NLGN4X: variants seen among roughly 807,000 people sequenced by gnomAD.
NLGN4X encodes neuroligin-4, X-linked.
Under a neutral mutation model 40.3 loss-of-function variants are expected in NLGN4X, and 3 were observed. The observed-to-expected ratio is 0.07, with a 90% CI of 0.03 to 0.19. The LOEUF (loss-of-function observed/expected upper bound fraction) is 0.19. NLGN4X is among the 10% of genes least tolerant of loss of function. NLGN4X has a pLI of 1.00. For synonymous variants in NLGN4X, 270 were observed against 306.8 expected (o/e 0.88, Z 1.25); for missense variants, 382 against 708.3 (o/e 0.54, Z 5.23).
chrX:6,060,807 G>T (rs1243931073), intron 2 of NLGN4X, among the ~76,000 whole-genome samples: 1 of 111,774 alleles, frequency 8.9e-6, no homozygotes, highest in African/African-American at 3.2e-5. Flanking sequence ...ATATAAGGCT[G>T]ACTCTCACCC....
intron 3 of NLGN4X, among the ~76,000 whole-genome samples, chrX:6,020,013 T>G (rs749829862): frequency 8.9e-6 from 1 of 112,209 alleles, no homozygotes; most frequent in East Asian, 2.8e-4. Flanking sequence ...AAAATAAAAT[T>G]TCAGCTTCTT....
chrX:6,121,036 T>C (rs939455142), intron 2 of NLGN4X, among the ~76,000 whole-genome samples: 1 of 111,230 alleles, frequency 9.0e-6, no homozygotes, highest in Non-Finnish European at 1.9e-5. Context: ...TGTTTTTAAA[T>C]GATTCACAAT....
chrX:6,214,937 G>T (rs957681369), intron 1 of NLGN4X, among the ~76,000 whole-genome samples: 1 of 111,401 alleles, frequency 9.0e-6, no homozygotes, highest in Non-Finnish European at 1.9e-5. Flanking sequence ...GAATGGGAGC[G>T]GGGTTAGAAA....
intron 1 of NLGN4X, among the ~76,000 whole-genome samples, chrX:6,154,028 C>T: frequency 8.9e-6 from 1 of 112,210 alleles, no homozygotes; most frequent in South Asian, 3.7e-4. Flanking sequence ...ATAATTAAAG[C>T]CCAGCGTTTC....
At chrX:5,979,775 C>T (rs773421370) in intron 3 of NLGN4X, among the ~76,000 whole-genome samples, 1 of 97,674 alleles carries the variant, frequency 1.0e-5, no homozygotes, top group Non-Finnish European at 1.9e-5. Flanking sequence ...TACACACATA[C>T]ATATATATGT....
intron 3 of NLGN4X, among the ~76,000 whole-genome samples, chrX:5,944,641 ACT>A (rs1290319766): frequency 1.1e-5 from 1 of 90,313 alleles, no homozygotes; most frequent in African/African-American, 4.5e-5. Flanking sequence ...GAACCAGAAG[ACT>A]CTGTCTCAAA....
intron 2 of NLGN4X, among the ~76,000 whole-genome samples, chrX:6,106,583 TC>T (rs2039037776): frequency 8.9e-6 from 1 of 111,973 alleles, no homozygotes; most frequent in Non-Finnish European, 1.9e-5. Context: ...TTTTTTATTG[TC>T]CCCCAGTTCT....
chrX:6,213,172 C>A (rs1406565095), intron 1 of NLGN4X, among the ~76,000 whole-genome samples: 1 of 110,540 alleles, frequency 9.0e-6, no homozygotes, highest in Non-Finnish European at 1.9e-5. Flanking sequence ...CAAAAGTCTT[C>A]TGGACAGTAG....
chrX:6,096,560 T>C (rs1046843912), intron 2 of NLGN4X, among the ~76,000 whole-genome samples: 4 of 111,856 alleles, frequency 3.6e-5, no homozygotes, highest in East Asian at 2.8e-4. Context: ...AATTCACAAG[T>C]GTCCCTAGAC....
At chrX:5,994,414 G>A in intron 3 of NLGN4X, among the ~76,000 whole-genome samples, 1 of 111,563 alleles carries the variant, frequency 9.0e-6, no homozygotes, top group South Asian at 3.7e-4. Context: ...AAGATTGAGG[G>A]CTTGGATTAA....
At chrX:6,079,221 C>T (rs1921947) in intron 2 of NLGN4X, among the ~76,000 whole-genome samples, 4,145 of 111,551 alleles carry the variant, frequency 0.037, 200 homozygotes, top group African/African-American at 0.13. Flanking sequence ...CGGAAGGTGG[C>T]AAGTTGTTAA....
At chrX:5,928,658 C>T (rs992356081) in intron 3 of NLGN4X, among the ~76,000 whole-genome samples, 4 of 111,254 alleles carry the variant, frequency 3.6e-5, no homozygotes, top group African/African-American at 1.3e-4. Flanking sequence ...AATGTGTACC[C>T]TACTTTCCGC....
Position 5,903,355 on chromosome X carries a change from C to T in NLGN4X, c.1323G>A (p.Val441=), listed in dbSNP as rs745464914. Residue 441 remains valine, a synonymous_variant, in exon 5 of 6, where the codon GTG becomes GTA. Transcript: ENST00000381095. ...ENPETRRKTL[V]ALFTDHQWVA... ...CCCACTGGTGGTCAGTAAAGAGAGC[C>T]ACCAGGGTTTTCCGCCGCGTCTCCG... 112 of 1,209,779 alleles carry T rather than the reference C, an allele frequency of 9.3e-5. No individual in the cohort carries two copies. The East Asian group carries it at 3.3e-3, about 36-fold the overall frequency.
intron 1 of NLGN4X, among the ~76,000 whole-genome samples, chrX:6,167,087 A>G (rs1379317319): frequency 1.9e-4 from 20 of 106,956 alleles, no homozygotes; most frequent in South Asian, 8.4e-4. Context: ...AAAAAAAAAA[A>G]AAAAGAAAGA....
At chrX:6,201,778 G>A (rs1296549738) in intron 1 of NLGN4X, among the ~76,000 whole-genome samples, 2 of 111,130 alleles carry the variant, frequency 1.8e-5, no homozygotes, top group Non-Finnish European at 3.8e-5. Flanking sequence ...ACTGAATTGA[G>A]TTTTGGCCAG....
intron 3 of NLGN4X, among the ~76,000 whole-genome samples, chrX:6,018,131 TATATGTATACACAC>T (rs1319171447): frequency 2.7e-5 from 3 of 109,192 alleles, no homozygotes; most frequent in Non-Finnish European, 5.7e-5. Flanking sequence ...CTGATACATG[TATATGTATACACAC>T]ATATGTATGT....
chrX:6,053,494 C>A (rs1301855559), intron 2 of NLGN4X, among the ~76,000 whole-genome samples: 2 of 110,679 alleles, frequency 1.8e-5, no homozygotes, highest in Non-Finnish European at 3.8e-5. Context: ...GGTTTCTCAG[C>A]GCTCAGATGG....
At chrX:5,955,279 G>T (rs1288916782) in intron 3 of NLGN4X, among the ~76,000 whole-genome samples, 2 of 111,863 alleles carry the variant, frequency 1.8e-5, no homozygotes, top group Non-Finnish European at 3.8e-5. Flanking sequence ...GGCTTTAGCT[G>T]CAGTAGCTGA....
At chrX:5,946,952 T>C (rs769945345) in intron 3 of NLGN4X, among the ~76,000 whole-genome samples, 1 of 111,755 alleles carries the variant, frequency 8.9e-6, no homozygotes, top group South Asian at 3.7e-4. Context: ...GTTACCGACA[T>C]AGTTGGTTAA....
Sources: allele counts gnomAD v4.1 joint callset (sites outside exome capture counted in the v4.1 genomes callset), GRCh38; gene constraint gnomAD v4.1.1; transcripts MANE v1.5; gene names NCBI Gene and HGNC (gene_info 2026-07-23, HGNC 2026-07-21).